The following IFT74 variants were observed in gnomAD, a reference collection of about 807,000 sequenced individuals.
IFT74 encodes intraflagellar transport 74.
A neutral mutation model predicts 96.7 loss-of-function variants in IFT74; 92 were observed. The observed-to-expected ratio is 0.95, with a 90% CI of 0.80 to 1.13. IFT74 has a LOEUF of 1.13. Ranked by LOEUF, IFT74 falls within the 50% of genes most tolerant of loss-of-function variation. IFT74 has a pLI of 0.00. For synonymous variants in IFT74, 223 were observed against 213.2 expected (o/e 1.05, Z -0.40); for missense variants, 811 against 698.2 (o/e 1.16, Z -1.82).
chr9:27,027,696 C>G (rs1829931188), intron 12 of IFT74, among the ~76,000 whole-genome samples: 1 of 152,002 alleles, frequency 6.6e-6, no homozygotes, highest in Non-Finnish European at 1.5e-5. Flanking sequence ...CTTATATATG[C>G]TAGATAGAGG....
intron 8 of IFT74, among the ~76,000 whole-genome samples, chr9:26,991,628 C>A (rs982472538): frequency 6.6e-6 from 1 of 151,894 alleles, no homozygotes; most frequent in Non-Finnish European, 1.5e-5. Flanking sequence ...CACGCTCTTA[C>A]TTGAAAACGT....
chr9:26,974,992 A>G lies in IFT74; in HGVS notation c.121-3136A>G, dbSNP rs528741200. Among the ~76,000 whole-genome samples the G allele has an allele frequency of 3.3e-5, 5 of 152,238 alleles. No homozygotes were observed. In the East Asian group the frequency reaches 5.8e-4, roughly 18 times the overall value. ...TTGGATATCCTTTTTACATTGTTCT[A>G]TCTCACGTTGAAGTCCTTTCAGGGA... is the stretch of plus-strand genomic sequence containing the variant. On this transcript the variant is annotated intron_variant, in intron 2 of 19. Transcript: ENST00000380062.
intron 1 of IFT74, among the ~76,000 whole-genome samples, chr9:26,949,789 TCA>T (rs1825874739): frequency 6.6e-6 from 1 of 152,146 alleles, no homozygotes; most frequent in Non-Finnish European, 1.5e-5. Context: ...CAGGGATGAA[TCA>T]CAGGTGTGTC....
At chr9:26,998,829 CAAA>C (rs1176499261) in intron 8 of IFT74, among the ~76,000 whole-genome samples, 1 of 129,188 alleles carries the variant, frequency 7.7e-6, no homozygotes, top group African/African-American at 2.8e-5. Flanking sequence ...ACTGAAAATA[CAAA>C]AAAAAAAAAA....
At chr9:27,056,858 G>A (rs988106630) in intron 18 of IFT74, among the ~76,000 whole-genome samples, 2 of 144,572 alleles carry the variant, frequency 1.4e-5, no homozygotes, top group Non-Finnish European at 1.5e-5. Context: ...TTTAGTCAAT[G>A]GATAGATAGA....
chr9:27,051,747 G>A (rs1282937396), intron 16 of IFT74, among the ~76,000 whole-genome samples: 1 of 152,154 alleles, frequency 6.6e-6, no homozygotes, highest in Non-Finnish European at 1.5e-5. Flanking sequence ...TTGTAGCAAA[G>A]AAGGATTTTC....
intron 1 of IFT74, among the ~76,000 whole-genome samples, chr9:26,947,637 C>T (rs1467757325): frequency 1.3e-5 from 2 of 152,138 alleles, no homozygotes; most frequent in African/African-American, 4.8e-5. Flanking sequence ...ACTGCTTTTC[C>T]CTGAGAATCT....
chr9:27,031,282 C>T (rs767989920), intron 13 of IFT74, among the ~76,000 whole-genome samples: 3 of 151,832 alleles, frequency 2.0e-5, no homozygotes, highest in Admixed American at 1.3e-4. Flanking sequence ...ATCGAGACCA[C>T]GGTGAAACCC....
At position 27,050,046 on chromosome 9, in the gene IFT74, C is replaced by CTTATTTAT. The variant is rs148206711; in HGVS notation, c.1333+1793_1333+1800dup. Among the ~76,000 whole-genome samples the CTTATTTAT allele has an allele frequency of 1.1e-3, 169 of 151,396 alleles. 1 individual carries two copies. The highest frequency in any genetic ancestry group is 3.4e-3 in the Middle Eastern group (1 of 294). On this transcript the variant is annotated intron_variant, in intron 16 of 19. Transcript: ENST00000380062. The stretch of plus-strand genomic sequence containing the variant: ...TCACGACATTTCAATTAGGACTAGC[C>CTTATTTAT]TTATTTATTTATTTATTTATTTATT...
At chr9:27,008,913 TG>T (rs1343704698) in intron 8 of IFT74, 106 bp from the exon 9 acceptor site, 7 of 834,302 alleles carry the variant, frequency 8.4e-6, no homozygotes, top group Non-Finnish European at 1.3e-5. Flanking sequence ...ACACTGTGGT[TG>T]AATGTCTTTA....
chr9:26,989,720 G>A (rs916512627), intron 7 of IFT74, among the ~76,000 whole-genome samples: 2 of 152,132 alleles, frequency 1.3e-5, no homozygotes, highest in African/African-American at 4.8e-5. Flanking sequence ...TCTAGGCTGG[G>A]TGTGCACAGG....
chr9:26,999,326 A>T (rs904771720), intron 8 of IFT74, among the ~76,000 whole-genome samples: 35 of 152,010 alleles, frequency 2.3e-4, no homozygotes, highest in South Asian at 4.2e-4. Context: ...TGTGCTTTTT[A>T]AAAAAAAGTT....
At chr9:26,964,338 C>A (rs1826509501) in intron 2 of IFT74, among the ~76,000 whole-genome samples, 2 of 149,490 alleles carry the variant, frequency 1.3e-5, no homozygotes, top group African/African-American at 4.9e-5. Flanking sequence ...TGTTTTGGTA[C>A]CAGTACCATG....
chr9:26,998,208 T>G, intron 8 of IFT74: 1 of 1,508,360 alleles, frequency 6.6e-7, no homozygotes, highest in Non-Finnish European at 8.9e-7. Context: ...GGAATCAAGG[T>G]ATAATTTTTT....
At chr9:26,951,760 G>A (rs1825943663), upstream of IFT74, among the ~76,000 whole-genome samples, 1 of 152,134 alleles carries the variant, frequency 6.6e-6, no homozygotes. Context: ...TTAGCCGGGT[G>A]TGGTGGTATG....
chr9:27,028,308 A>G (rs1829967839), intron 12 of IFT74, among the ~76,000 whole-genome samples: 1 of 152,180 alleles, frequency 6.6e-6, no homozygotes, highest in Admixed American at 6.5e-5. Flanking sequence ...TTCCAACTTA[A>G]TTTGGCTTAT....
At chr9:27,018,820 C>T in intron 12 of IFT74, 133 bp downstream of exon 12, 1 of 447,800 alleles carries the variant, frequency 2.2e-6, no homozygotes, top group Non-Finnish European at 4.0e-6. Context: ...GTTTAAGAGC[C>T]ATTGCATAGT....
intron 19 of IFT74, among the ~76,000 whole-genome samples, chr9:27,061,284 C>A (rs990019795): frequency 6.6e-6 from 1 of 152,064 alleles, no homozygotes; most frequent in Non-Finnish European, 1.5e-5. Flanking sequence ...TGGAGTTGGG[C>A]GATCCAATTT....
chr9:26,968,776 T>G (rs899566559), intron 2 of IFT74, among the ~76,000 whole-genome samples: 1 of 151,616 alleles, frequency 6.6e-6, no homozygotes, highest in Non-Finnish European at 1.5e-5. Flanking sequence ...TTTTCATTTC[T>G]GATTATATTT....
Sources: gnomAD v4.1 joint callset for allele counts (sites outside exome capture counted in the v4.1 genomes callset) on GRCh38, gnomAD v4.1.1 for gene constraint, MANE v1.5 for transcripts, NCBI Gene and HGNC (gene_info 2026-07-23, HGNC 2026-07-21) for gene names.